The following ATR variants were observed in gnomAD, a reference collection of about 807,000 sequenced individuals.
ATR encodes serine/threonine-protein kinase ATR.
A neutral mutation model predicts 305.3 loss-of-function variants in ATR; 142 were observed. The ratio of observed to expected loss-of-function variants is 0.47; its 90% CI spans 0.41 to 0.53. The LOEUF (loss-of-function observed/expected upper bound fraction) is 0.53. Among genes scored for constraint, ATR ranks in the 20% least tolerant of loss-of-function variants. The pLI is 0.00. For missense variants in ATR, 2,135 were observed against 3,133.1 expected (o/e 0.68, Z 7.60); for synonymous variants, 1,050 against 1,068.1 (o/e 0.98, Z 0.33).
chr3:142,504,469 T>G (rs1031496686), intron 29 of ATR, among the ~76,000 whole-genome samples: 2 of 148,202 alleles, frequency 1.3e-5, no homozygotes, highest in African/African-American at 4.9e-5. Context: ...GAAGGGACCT[T>G]TTTTTTTTTT....
intron 8 of ATR, 137 bp downstream of exon 8, chr3:142,558,487 A>C (rs1368459228): frequency 5.2e-6 from 4 of 770,884 alleles, no homozygotes; most frequent in Non-Finnish European, 6.8e-6. Context: ...GCGCCACTGC[A>C]CTCCAGCATG....
chr3:142,517,899 C>T (rs973470928), intron 24 of ATR, among the ~76,000 whole-genome samples: 1 of 152,204 alleles, frequency 6.6e-6, no homozygotes, highest in Non-Finnish European at 1.5e-5. Flanking sequence ...ATATCAGGCA[C>T]TTTGCTAAGT....
rs1281809903 is a variant in ATR, at chr3:142,508,008, T to C, written c.4954A>G (p.Thr1652Ala). 1.2e-6 allele frequency: 2 copies of C among 1,613,564 alleles called. No individual in the cohort carries two copies. The highest frequency in any genetic ancestry group is 1.7e-6 in the Non-Finnish European group (2 of 1,179,664). Reference protein sequence around the residue: ...AVASFRSKAYTRAVMHFESFI... With the variant: ...AVASFRSKAYARAVMHFESFI... ...GATTCAAAGTGCATTACAGCTCGTGTGTATGCTTTGGAGCGAAAGGAAGCT... is the reference window on the plus strand; with the variant it reads ...GATTCAAAGTGCATTACAGCTCGTGCGTATGCTTTGGAGCGAAAGGAAGCT... Residue 1652 changes from threonine (T) to alanine (A), a missense_variant, in exon 28 of 47, where the codon ACA becomes GCA. Coordinates refer to ENST00000350721, the MANE Select transcript of ATR (RefSeq NM_001184.4).
chr3:142,524,771 C>T (rs1004268805), intron 21 of ATR, among the ~76,000 whole-genome samples: 1 of 152,010 alleles, frequency 6.6e-6, no homozygotes, highest in Admixed American at 6.6e-5. Flanking sequence ...AAAGAGGTAG[C>T]CTAATGATAA....
intron 19 of ATR, among the ~76,000 whole-genome samples, chr3:142,537,974 T>C (rs2033917701): frequency 6.6e-6 from 1 of 152,162 alleles, no homozygotes; most frequent in Admixed American, 6.6e-5. Context: ...AATTAGGAAA[T>C]GGAGAATCTC....
At position 142,513,638 on chromosome 3, in the gene ATR, C is replaced by T; in HGVS notation, c.4504G>A (p.Val1502Ile). ...ASWAGYLITK[V>I]RHDLASKIFT... ...ATTTTACTGGCAAGATCATGTCGAA[C>T]CTGTAAATGCAAAATGTGTAGACAG... Residue 1502 changes from valine (V) to isoleucine (I), a missense_variant and splice_region_variant, in exon 26 of 47, where the codon GTT becomes ATT. Physicochemically the swap from Val to Ile is conservative, Grantham distance 29 (BLOSUM62 3). Around this residue, in one of 9 missense-constraint regions of ATR, gnomAD observed 202 missense variants for 252.9 expected, o/e 0.80. Coordinates refer to ENST00000350721, the MANE Select transcript of ATR (RefSeq NM_001184.4). The T allele has an allele frequency of 6.2e-7, 1 of 1,613,304 alleles. No homozygotes were observed. The highest frequency in any genetic ancestry group is 8.5e-7 in the Non-Finnish European group (1 of 1,179,522).
chr3:142,545,397 T>A (rs1416253085), intron 16 of ATR, among the ~76,000 whole-genome samples: 3 of 151,984 alleles, frequency 2.0e-5, no homozygotes, highest in Non-Finnish European at 4.4e-5. Flanking sequence ...GGCCTAGGTC[T>A]CGAAGCAGGA....
chr3:142,541,792 C>T (rs1577663769), intron 17 of ATR, among the ~76,000 whole-genome samples: 2 of 152,070 alleles, frequency 1.3e-5, no homozygotes, highest in South Asian at 4.2e-4. Context: ...ATTGAATTTA[C>T]TAGTTGACAC....
At chr3:142,477,956 T>C (rs1034882944) in intron 36 of ATR, among the ~76,000 whole-genome samples, 25 of 152,240 alleles carry the variant, frequency 1.6e-4, no homozygotes, top group Admixed American at 1.3e-4. Context: ...CATTTTTTAT[T>C]GCATCTATTT....
intron 34 of ATR, among the ~76,000 whole-genome samples, chr3:142,494,238 A>T (rs1222201269): frequency 6.6e-6 from 1 of 152,192 alleles, no homozygotes; most frequent in Non-Finnish European, 1.5e-5. Flanking sequence ...TATATAAAGG[A>T]CTTGAGTATC....
chr3:142,501,569 CA>C (rs1286463644), intron 30 of ATR, among the ~76,000 whole-genome samples: 5 of 151,846 alleles, frequency 3.3e-5, no homozygotes, highest in East Asian at 3.9e-4. Flanking sequence ...AATCAACAAG[CA>C]AAAAAACAAA....
At position 142,517,350 on chromosome 3, in the gene ATR, TAA is replaced by T. The variant is rs56080837; in HGVS notation, c.4383-1837_4383-1836del. 4.5e-3 allele frequency among the ~76,000 whole-genome samples: 643 copies of T among 143,442 alleles called. 4 individuals are homozygous for T. The highest frequency in any genetic ancestry group is 0.041 in the East Asian group (200 of 4,936). The allele number at this position is 143,442 out of a possible 152,430, so 94.1% of individuals were successfully genotyped here. ...GTGATTATATATAAAGAGCCCAAAT[TAA>T]AAAAAAAAAAAACATAAAGTAGGGA... is the stretch of plus-strand genomic sequence containing the variant. On this transcript the variant is annotated intron_variant, in intron 24 of 46. Transcript: ENST00000350721.
rs1238634482 is a variant in ATR at position 142,555,925 on chromosome 3, G to T, written c.2293C>A (p.Pro765Thr). The change falls in exon 10 of 47, where the codon CCA (proline) becomes ACA (threonine). Residue 765 changes from proline to threonine, a missense_variant. Around this residue, in one of 9 missense-constraint regions of ATR, gnomAD observed 530 missense variants for 766.8 expected, o/e 0.69. Transcript: ENST00000350721. ...SSQLKASVCK[P>T]FLFLLKKKIP... ...TTTTTTTTCAGTAGGAAAAGGAATG[G>T]CTTGCAGACAGAAGCTTTTAGTTGA... The T allele has an allele frequency of 1.2e-6, 2 of 1,612,568 alleles. No homozygotes were observed. The highest frequency in any genetic ancestry group is 2.7e-5 in the African/African-American group (2 of 74,778).
intron 16 of ATR, among the ~76,000 whole-genome samples, chr3:142,547,420 A>G (rs2034308657): frequency 6.6e-6 from 1 of 152,220 alleles, no homozygotes; most frequent in Non-Finnish European, 1.5e-5. Context: ...AATAAAATCT[A>G]CTAAAAACAC....
At position 142,507,915 on chromosome 3, in the gene ATR, T is replaced by G; in HGVS notation, c.5031+16A>C. ...CATTAATTTTCATTATTAAATTCAC[T>G]ATATTAACTTCAGACCTGTAAAAAT... On this transcript the variant is annotated intron_variant, in intron 28 of 46. Transcript: ENST00000350721. The G allele has an allele frequency of 6.4e-7, 1 of 1,563,666 alleles. No individual in the cohort carries two copies. Among genetic ancestry groups the G allele is most frequent in the Non-Finnish European group, 8.8e-7 (1 of 1,134,810 alleles).
intron 46 of ATR, chr3:142,450,832 G>A (rs138031504): frequency 3.0e-5 from 41 of 1,370,406 alleles, no homozygotes; most frequent in African/African-American, 2.6e-4. Context: ...CAGAGCTTCC[G>A]TTCAGTTGCC....
intron 10 of ATR, 53 bp from the exon 11 acceptor site, chr3:142,554,068 G>T: frequency 7.0e-7 from 1 of 1,422,204 alleles, no homozygotes; most frequent in East Asian, 2.3e-5. Flanking sequence ...TGTCAAGGTT[G>T]TACTGTAAAA....
At chr3:142,463,196 T>C (rs1465254674) in intron 41 of ATR, among the ~76,000 whole-genome samples, 3 of 152,158 alleles carry the variant, frequency 2.0e-5, no homozygotes, top group African/African-American at 7.2e-5. Flanking sequence ...GGCTATTTTA[T>C]TTTACCATGT....
At chr3:142,495,088 A>G (rs4273389) in intron 34 of ATR, among the ~76,000 whole-genome samples, 96,218 of 152,016 alleles carry the variant, frequency 0.63, 31,463 homozygotes, top group African/African-American at 0.8. Context: ...TTTTTGATGG[A>G]AGGATGGAAT....
Sources: allele counts gnomAD v4.1 joint callset (sites outside exome capture counted in the v4.1 genomes callset), GRCh38; gene constraint gnomAD v4.1.1; regional missense constraint gnomAD v4.1.1; transcripts MANE v1.5; gene names NCBI Gene and HGNC (gene_info 2026-07-23, HGNC 2026-07-21).